Variants in SF3B6 observed in about 807,000 individuals in gnomAD.
SF3B6 encodes splicing factor 3b subunit 6.
A neutral mutation model predicts 15.9 loss-of-function variants in SF3B6; 3 were observed. That is an observed-to-expected ratio of 0.19 (90% CI 0.09 to 0.49). The LOEUF (loss-of-function observed/expected upper bound fraction) is 0.49. SF3B6 is among the 20% of genes least tolerant of loss of function. SF3B6 has a pLI of 0.97. For synonymous variants in SF3B6, 49 were observed against 51.1 expected (o/e 0.96, Z 0.18); for missense variants, 71 against 154.3 (o/e 0.46, Z 2.86).
intron 2 of SF3B6, among the ~76,000 whole-genome samples, chr2:24,071,790 T>C (rs1276971456): frequency 6.6e-6 from 1 of 152,010 alleles, no homozygotes; most frequent in Non-Finnish European, 1.5e-5. Context: ...ACAAGGAAAA[T>C]AGAAGCACAA....
chr2:24,073,199 CG>C (rs1184692198), intron 2 of SF3B6, among the ~76,000 whole-genome samples: 7 of 152,288 alleles, frequency 4.6e-5, no homozygotes, highest in Admixed American at 4.6e-4. Flanking sequence ...TCATACAAGA[CG>C]GAATTCCGAC....
At chr2:24,069,805 G>C (rs895267423) in intron 2 of SF3B6, among the ~76,000 whole-genome samples, 1 of 152,148 alleles carries the variant, frequency 6.6e-6, no homozygotes, top group African/African-American at 2.4e-5. Context: ...GGCCTGACGA[G>C]GGGTTTTAGA....
At chr2:24,069,125 G>A (rs1664610516) in intron 2 of SF3B6, among the ~76,000 whole-genome samples, 1 of 152,200 alleles carries the variant, frequency 6.6e-6, no homozygotes, top group African/African-American at 2.4e-5. Flanking sequence ...GGAATTACAG[G>A]CATGAGCCAC....
rs1301160500 is a variant in SF3B6 at position 24,074,075 on chromosome 2, C to A, written c.149+1G>T. ...TCTTTAAATGACTCAGTAAGACTCA[C>A]ACTCTGATTTGACGAATAGGTCCAT... On this transcript the variant is annotated splice_donor_variant, in intron 2 of 3. Coordinates refer to ENST00000233468, the MANE Select transcript of SF3B6 (RefSeq NM_016047.4). LOFTEE classifies it high-confidence loss of function. 1 of 1,513,534 alleles carries A rather than the reference C, an allele frequency of 6.6e-7. No homozygotes were observed. Among genetic ancestry groups the A allele is most frequent in the Non-Finnish European group, 9.2e-7 (1 of 1,091,942 alleles). The allele number at this position is 1,513,534 out of a possible 1,614,324, so 93.8% of individuals were successfully genotyped here.
intron 2 of SF3B6, among the ~76,000 whole-genome samples, chr2:24,072,852 T>C (rs775279510): frequency 3.9e-5 from 6 of 152,230 alleles, no homozygotes; most frequent in Admixed American, 1.3e-4. Context: ...AAGGCAGGGA[T>C]TCGCCATGTT....
intron 1 of SF3B6, among the ~76,000 whole-genome samples, chr2:24,075,677 G>A (rs544920758): frequency 6.6e-6 from 1 of 151,386 alleles, no homozygotes; most frequent in Non-Finnish European, 1.5e-5. Context: ...TTCCCAATAC[G>A]TAAGACTAGT....
At chr2:24,075,435 C>G (rs1664723825) in intron 1 of SF3B6, among the ~76,000 whole-genome samples, 1 of 147,922 alleles carries the variant, frequency 6.8e-6, no homozygotes, top group African/African-American at 2.5e-5. Flanking sequence ...ACAATCATGG[C>G]TCAAGGCAGC....
chr2:24,067,748 A>C lies in SF3B6; in HGVS notation c.*14T>G. On this transcript the variant is annotated 3_prime_UTR_variant, in exon 4 of 4. Transcript: ENST00000233468. ...ATTCGTGGGATTTAGTCCAAATGAA[A>C]ATGTAGAAAACATTTATTTTGGTGG... The C allele has an allele frequency of 6.2e-7, 1 of 1,606,478 alleles. No homozygotes were observed. The highest frequency in any genetic ancestry group is 8.5e-7 in the Non-Finnish European group (1 of 1,175,218).
At position 24,069,944 on chromosome 2, in the gene SF3B6, G is replaced by A. The variant is rs558145786; in HGVS notation, c.150-1485C>T. Among the ~76,000 whole-genome samples the A allele has an allele frequency of 6.6e-5, 10 of 152,302 alleles. No homozygotes were observed. The South Asian group carries it at 1.2e-3, about 19-fold the overall frequency. On this transcript the variant is annotated intron_variant, in intron 2 of 3. Coordinates refer to ENST00000233468, the MANE Select transcript of SF3B6 (RefSeq NM_016047.4). Reference sequence around the variant, plus strand: ...ACTTCATTTATTCCTTTAGTGCCACGCATAAGGCAGACGCTAATACGCCTT... The same window carrying A: ...ACTTCATTTATTCCTTTAGTGCCACACATAAGGCAGACGCTAATACGCCTT...
Position 24,067,632 on chromosome 2 carries a change from T to C in SF3B6, c.*130A>G, listed in dbSNP as rs1376456610. On this transcript the variant is annotated 3_prime_UTR_variant, in exon 4 of 4. Transcript: ENST00000233468. Reference sequence around the variant, plus strand: ...TATTAACATAATGTATTCCAATATGTATCAAAGTTTCAAGCAGGTCATTTT... The same window carrying C: ...TATTAACATAATGTATTCCAATATGCATCAAAGTTTCAAGCAGGTCATTTT... The C allele has an allele frequency of 6.9e-5, 48 of 693,554 alleles. No individual in the cohort carries two copies. The highest frequency in any genetic ancestry group is 1.5e-5 in the Non-Finnish European group (6 of 408,074). The allele number at this position is 693,554 out of a possible 1,614,324, so 43.0% of individuals were successfully genotyped here.
At chr2:24,072,452 G>A (rs905786982) in intron 2 of SF3B6, among the ~76,000 whole-genome samples, 1 of 152,174 alleles carries the variant, frequency 6.6e-6, no homozygotes, top group Non-Finnish European at 1.5e-5. Context: ...GCAAAACCAT[G>A]TGTTAACCTA....
chr2:24,075,525 G>A (rs537518936), intron 1 of SF3B6, among the ~76,000 whole-genome samples: 6 of 151,146 alleles, frequency 4.0e-5, no homozygotes, highest in Non-Finnish European at 7.4e-5. Flanking sequence ...CACCTCACTC[G>A]GCCTAACTTC....
chr2:24,074,777 C>T (rs879592087), intron 1 of SF3B6, among the ~76,000 whole-genome samples: 48 of 152,198 alleles, frequency 3.2e-4, no homozygotes, highest in African/African-American at 1.1e-3. Context: ...GTTTCGCACA[C>T]TCTGCTGGAT....
chr2:24,075,873 G>A (rs974442176), intron 1 of SF3B6, among the ~76,000 whole-genome samples: 4 of 151,982 alleles, frequency 2.6e-5, no homozygotes, highest in African/African-American at 7.3e-5. Flanking sequence ...AGTTAGTTGA[G>A]GACTCTTCTG....
chr2:24,068,588 G>T, intron 2 of SF3B6, 129 bp from the exon 3 acceptor site: 11 of 845,262 alleles, frequency 1.3e-5, no homozygotes, highest in Non-Finnish European at 1.8e-5. Context: ...TTTTAGTTAA[G>T]TATTTTGAAA....
chr2:24,070,524 A>C lies in SF3B6; in HGVS notation c.150-2065T>G, dbSNP rs572492837. Among the ~76,000 whole-genome samples, 4 of 152,356 alleles carry C rather than the reference A, an allele frequency of 2.6e-5. No homozygotes were observed. In the East Asian group the frequency reaches 7.7e-4, roughly 29 times the overall value. ...CATGTATCCAGTGCCATCAGGCTCT[A>C]TCACGTGCCCTACCTTCCACGTGGG... On this transcript the variant is annotated intron_variant, in intron 2 of 3. Transcript: ENST00000233468.
chr2:24,076,007 G>T (rs1411742773), intron 1 of SF3B6, among the ~76,000 whole-genome samples, 193 bp downstream of exon 1: 5 of 152,138 alleles, frequency 3.3e-5, no homozygotes, highest in African/African-American at 1.2e-4. Context: ...ACTCTCAAAA[G>T]GGGTGGGGAC....
intron 1 of SF3B6, among the ~76,000 whole-genome samples, chr2:24,075,959 G>A (rs1053716613): frequency 6.6e-6 from 1 of 151,958 alleles, no homozygotes; most frequent in Non-Finnish European, 1.5e-5. Flanking sequence ...AGGCTATAGG[G>A]GTAACACTAT....
chr2:24,073,180 G>T (rs1475092491), intron 2 of SF3B6, among the ~76,000 whole-genome samples: 1 of 152,190 alleles, frequency 6.6e-6, no homozygotes, highest in Non-Finnish European at 1.5e-5. Flanking sequence ...CCAGGAAGGA[G>T]CTCTCAAGTC....
Sources: gnomAD v4.1 joint callset for allele counts (sites outside exome capture counted in the v4.1 genomes callset) on GRCh38, gnomAD v4.1.1 for gene constraint, MANE v1.5 for transcripts, NCBI Gene and HGNC (gene_info 2026-07-23, HGNC 2026-07-21) for gene names.